The following SYT10 variants were observed in gnomAD, a reference collection of about 807,000 sequenced individuals.
The protein encoded by SYT10 is synaptotagmin-10.
In SYT10, 31 loss-of-function variants were observed where a neutral mutation model predicts 51.1. The ratio of observed to expected loss-of-function variants is 0.61; its 90% CI spans 0.46 to 0.82. SYT10 has a LOEUF of 0.82. SYT10 is among the 40% of genes least tolerant of loss of function. The pLI is 0.00. For missense variants in SYT10, 603 were observed against 634.0 expected (o/e 0.95, Z 0.53); for synonymous variants, 233 against 225.9 (o/e 1.03, Z -0.28).
At chr12:33,413,813 G>T (rs1482591919) in intron 2 of SYT10, among the ~76,000 whole-genome samples, 3 of 152,138 alleles carry the variant, frequency 2.0e-5, no homozygotes, top group Non-Finnish European at 4.4e-5. Flanking sequence ...ATAATGACAG[G>T]ATCAAATTCA....
intron 3 of SYT10, among the ~76,000 whole-genome samples, chr12:33,393,018 C>CAAAAAACA (rs1866223681): frequency 1.7e-5 from 1 of 60,240 alleles, no homozygotes; most frequent in Non-Finnish European, 3.2e-5. Flanking sequence ...AAAAAAATTG[C>CAAAAAACA]AAAAACCGCA....
intron 1 of SYT10, among the ~76,000 whole-genome samples, chr12:33,429,102 C>T (rs1212117606): frequency 6.6e-6 from 1 of 152,010 alleles, no homozygotes; most frequent in Admixed American, 6.6e-5. Flanking sequence ...AATCAGTGGA[C>T]AAGAATGGAT....
Position 33,414,152 on chromosome 12 carries a change from C to A in SYT10, c.510-6796G>T, listed in dbSNP as rs181011259. ...GAGCTAACTATCCTAAATATATATG[C>A]ACCCAATACAGGAGCACCCAGATTC... On this transcript the variant is annotated intron_variant, in intron 2 of 6. Transcript: ENST00000228567. 3.5e-3 allele frequency among the ~76,000 whole-genome samples: 539 copies of A among 152,268 alleles called. 1 individual carries two copies. Among genetic ancestry groups the A allele is most frequent in the African/African-American group, 0.012 (512 of 41,538 alleles).
chr12:33,381,361 T>C (rs1905426), intron 5 of SYT10, among the ~76,000 whole-genome samples: 44,297 of 152,044 alleles, frequency 0.29, 7,475 homozygotes, highest in African/African-American at 0.45. Flanking sequence ...GTGATGATAC[T>C]ATAAAATGGA....
intron 3 of SYT10, among the ~76,000 whole-genome samples, chr12:33,404,595 G>T (rs573483618): frequency 6.6e-6 from 1 of 152,178 alleles, no homozygotes; most frequent in African/African-American, 2.4e-5. Context: ...GTTTCACCAT[G>T]CTGGCCAGGC....
chr12:33,384,422 T>C lies in SYT10; in HGVS notation c.1198+749A>G, dbSNP rs77357465. On this transcript the variant is annotated intron_variant, in intron 4 of 6. Transcript: ENST00000228567. ...ATAGATCTTCCCCAAATGTCATCCT[T>C]TATTTCCACCACTATTTCTTATTTC... is the stretch of plus-strand genomic sequence containing the variant. Among the ~76,000 whole-genome samples, 187 of 152,268 alleles carry C rather than the reference T, an allele frequency of 1.2e-3. No individual in the cohort carries two copies. In the East Asian group the frequency reaches 0.032, roughly 26 times the overall value.
chr12:33,437,278 T>C (rs1231897244), intron 1 of SYT10, among the ~76,000 whole-genome samples: 1 of 152,234 alleles, frequency 6.6e-6, no homozygotes, highest in Non-Finnish European at 1.5e-5. Context: ...CACTTGTATA[T>C]ATTATGTAGT....
chr12:33,393,225 A>G (rs911882933), intron 3 of SYT10, among the ~76,000 whole-genome samples: 2 of 152,144 alleles, frequency 1.3e-5, no homozygotes, highest in South Asian at 2.1e-4. Context: ...ATAGCCCAAC[A>G]TAGATACTGA....
At chr12:33,429,126 G>A (rs1866577207) in intron 1 of SYT10, among the ~76,000 whole-genome samples, 1 of 152,124 alleles carries the variant, frequency 6.6e-6, no homozygotes, top group Non-Finnish European at 1.5e-5. Flanking sequence ...CAATTAAGCG[G>A]AATAATTAAC....
At chr12:33,416,801 C>T (rs187845285) in intron 2 of SYT10, among the ~76,000 whole-genome samples, 1 of 152,118 alleles carries the variant, frequency 6.6e-6, no homozygotes, top group African/African-American at 2.4e-5. Flanking sequence ...GCTGAGGATA[C>T]TAATAAAATA....
Position 33,416,422 on chromosome 12 carries a change from G to A in SYT10, c.510-9066C>T, listed in dbSNP as rs142912235. On this transcript the variant is annotated intron_variant, in intron 2 of 6. Coordinates refer to ENST00000228567, the MANE Select transcript of SYT10 (RefSeq NM_198992.4). ...TTAAGCTACCACACCCATCTCTGAA[G>A]CTCAAGTCAAGAAATCACACTTCCA... Among the ~76,000 whole-genome samples the A allele has an allele frequency of 3.4e-3, 511 of 152,156 alleles. 1 individual carries two copies. The highest frequency in any genetic ancestry group is 0.012 in the African/African-American group (488 of 41,530).
chr12:33,394,989 G>C (rs1239247992), intron 3 of SYT10, among the ~76,000 whole-genome samples: 1 of 152,196 alleles, frequency 6.6e-6, no homozygotes, highest in East Asian at 1.9e-4. Flanking sequence ...TCGGGAGGCT[G>C]AGGCAGGAGA....
intron 1 of SYT10, among the ~76,000 whole-genome samples, chr12:33,437,992 T>A (rs1866651552): frequency 6.6e-6 from 1 of 152,044 alleles, no homozygotes; most frequent in Non-Finnish European, 1.5e-5. Flanking sequence ...ATCTTCAAGC[T>A]CTGCCAAGTG....
At chr12:33,407,486 C>T (rs1591990415) in intron 2 of SYT10, 130 bp from the exon 3 acceptor site, 1 of 839,080 alleles carries the variant, frequency 1.2e-6, no homozygotes, top group East Asian at 2.7e-5. Flanking sequence ...TAGATAGACA[C>T]ATACATATAA....
intron 3 of SYT10, among the ~76,000 whole-genome samples, chr12:33,391,681 T>C (rs1866208741): frequency 6.6e-6 from 1 of 152,090 alleles, no homozygotes; most frequent in South Asian, 2.1e-4. Flanking sequence ...AAAGGGATAA[T>C]ATACAAAGAC....
intron 3 of SYT10, among the ~76,000 whole-genome samples, chr12:33,400,589 A>AAAT (rs34862162): frequency 1.3e-4 from 19 of 151,492 alleles, no homozygotes; most frequent in East Asian, 3.9e-4. Flanking sequence ...AAAAAAAAAA[A>AAAT]TTTCATTGAA....
rs762289256 is a variant in SYT10, at chr12:33,376,846, G to T, written c.1556C>A (p.Pro519Gln). The change falls in exon 7 of 7, where the codon CCA (proline) becomes CAA (glutamine). Residue 519 changes from proline (P) to glutamine (Q), a missense_variant. Transcript: ENST00000228567. ...DSQGSCPSPK[P>Q]PSTP is the part of the protein sequence containing the mutation. Reference sequence around the variant, plus strand: ...TTGGAGGCATTATGGTGTGGAAGGTGGTTTAGGAGAAGGGCAGGATCCTTG... The same window carrying T: ...TTGGAGGCATTATGGTGTGGAAGGTTGTTTAGGAGAAGGGCAGGATCCTTG... 6.2e-7 allele frequency: 1 copy of T among 1,614,052 alleles called. No individual in the cohort carries two copies. Among genetic ancestry groups the T allele is most frequent in the East Asian group, 2.2e-5 (1 of 44,872 alleles).
At chr12:33,413,102 A>C (rs1462000166) in intron 2 of SYT10, among the ~76,000 whole-genome samples, 2 of 152,210 alleles carry the variant, frequency 1.3e-5, no homozygotes, top group African/African-American at 2.4e-5. Context: ...GATCAAATTA[A>C]TGAAATGAAG....
In SYT10 at chr12:33,411,484, T is replaced by A. The variant is rs1317831552; in HGVS notation, c.510-4128A>T. On this transcript the variant is annotated intron_variant, in intron 2 of 6. Transcript: ENST00000228567. Reference sequence around the variant, plus strand: ...AGTTTATAGTTATGATATATTTTATTGGAAATGACATATTTTGAAAATAAC... The same window carrying A: ...AGTTTATAGTTATGATATATTTTATAGGAAATGACATATTTTGAAAATAAC... Among the ~76,000 whole-genome samples, 41 of 151,952 alleles carry A rather than the reference T, an allele frequency of 2.7e-4. 1 individual carries two copies. The highest frequency in any genetic ancestry group is 4.4e-5 in the Non-Finnish European group (3 of 68,010).
Sources: gnomAD v4.1 joint callset for allele counts (sites outside exome capture counted in the v4.1 genomes callset) on GRCh38, gnomAD v4.1.1 for gene constraint, MANE v1.5 for transcripts, NCBI Gene and HGNC (gene_info 2026-07-23, HGNC 2026-07-21) for gene names.